Variants in CCDC102B observed in about 807,000 individuals in gnomAD.
CCDC102B encodes coiled-coil domain-containing protein 102B.
Under a neutral mutation model 57.4 loss-of-function variants are expected in CCDC102B, and 75 were observed. The ratio of observed to expected loss-of-function variants is 1.31; its 90% CI spans 1.08 to 1.58. CCDC102B has a LOEUF of 1.58. Ranked by LOEUF, CCDC102B falls within the 40% of genes most tolerant of loss-of-function variation. The pLI is 0.00. For synonymous variants in CCDC102B, 206 were observed against 201.9 expected (o/e 1.02, Z -0.17); for missense variants, 636 against 582.6 (o/e 1.09, Z -0.94).
Position 68,792,355 on chromosome 18 carries a change from G to A in CCDC102B, c.-66-31011G>A, listed in dbSNP as rs1172843668. 1.4e-4 allele frequency among the ~76,000 whole-genome samples: 21 copies of A among 152,306 alleles called. No homozygotes were observed. In the East Asian group the frequency reaches 3.7e-3, roughly 27 times the overall value. On this transcript the variant is annotated intron_variant, in intron 2 of 3. Coordinates refer to the CCDC102B transcript ENST00000578970. ...AACTGCTTTGCTCGGAGCCTAAGTA[G>A]TGGATGCCAAAACAAGACCATGACC...
intron 2 of CCDC102B, among the ~76,000 whole-genome samples, chr18:68,743,360 A>G (rs935193357): frequency 2.0e-5 from 3 of 152,166 alleles, no homozygotes; most frequent in Non-Finnish European, 2.9e-5. Flanking sequence ...GTGAGCCAAG[A>G]TCGTGCCACT....
intron 6 of CCDC102B, chr18:68,993,416 G>T (rs1029416029): frequency 1.3e-5 from 2 of 152,188 alleles, no homozygotes; most frequent in African/African-American, 4.8e-5. Context: ...TTTTAAGAAG[G>T]ATACATACAG....
At chr18:68,739,808 C>G (rs1032869622) in intron 2 of CCDC102B, among the ~76,000 whole-genome samples, 8 of 152,150 alleles carry the variant, frequency 5.3e-5, no homozygotes, top group Non-Finnish European at 1.2e-4. Context: ...TCATCTGTCT[C>G]TATTAAGACA....
intron 6 of CCDC102B, among the ~76,000 whole-genome samples, chr18:68,974,288 G>A (rs552669906): frequency 2.3e-4 from 35 of 151,906 alleles, no homozygotes; most frequent in Admixed American, 1.1e-3. Context: ...AGGACCCAGC[G>A]TTCCTCTGCT....
intron 7 of CCDC102B, among the ~76,000 whole-genome samples, chr18:69,037,050 C>CAT (rs2052314957): frequency 6.7e-6 from 1 of 149,726 alleles, no homozygotes; most frequent in Non-Finnish European, 1.5e-5. Flanking sequence ...CACACACACA[C>CAT]ACATACATAC....
At chr18:68,717,708 A>AT (rs1322766987) in intron 2 of CCDC102B, among the ~76,000 whole-genome samples, 4 of 151,980 alleles carry the variant, frequency 2.6e-5, no homozygotes, top group African/African-American at 4.8e-5. Flanking sequence ...AGTGGTGATA[A>AT]TTTTTTTTGA....
chr18:68,955,730 G>A (rs1265878413), intron 6 of CCDC102B, among the ~76,000 whole-genome samples: 1 of 151,462 alleles, frequency 6.6e-6, no homozygotes, highest in Non-Finnish European at 1.5e-5. Flanking sequence ...TATAATTTAT[G>A]TATGATAAAT....
intron 2 of CCDC102B, among the ~76,000 whole-genome samples, chr18:68,717,034 G>A (rs112171004): frequency 0.11 from 15,598 of 148,090 alleles, 830 homozygotes; most frequent in African/African-American, 0.11. Flanking sequence ...TTGAAATCGC[G>A]CCACTGCACT....
At chr18:68,962,929 T>C (rs2050079899) in intron 6 of CCDC102B, among the ~76,000 whole-genome samples, 1 of 152,040 alleles carries the variant, frequency 6.6e-6, no homozygotes, top group Non-Finnish European at 1.5e-5. Context: ...ACTTAGGGAA[T>C]CTAAACAATT....
intron 3 of CCDC102B, among the ~76,000 whole-genome samples, chr18:68,844,489 T>G (rs1402025644): frequency 6.6e-6 from 1 of 151,824 alleles, no homozygotes; most frequent in Admixed American, 6.6e-5. Context: ...AAATTAAAAT[T>G]ATAAATATGG....
intron 1 of CCDC102B, among the ~76,000 whole-genome samples, chr18:68,832,884 T>C (rs531621510): frequency 1.7e-4 from 26 of 151,908 alleles, no homozygotes; most frequent in Admixed American, 3.3e-4. Flanking sequence ...ACACAGGGGA[T>C]GTGGAAGATG....
At chr18:68,862,532 C>G (rs565533345) in intron 4 of CCDC102B, among the ~76,000 whole-genome samples, 4 of 151,880 alleles carry the variant, frequency 2.6e-5, no homozygotes, top group African/African-American at 4.8e-5. Flanking sequence ...CATGAACTAC[C>G]ATCCATATTC....
intron 4 of CCDC102B, among the ~76,000 whole-genome samples, chr18:68,873,236 C>T (rs1330620559): frequency 6.6e-6 from 1 of 152,086 alleles, no homozygotes; most frequent in African/African-American, 2.4e-5. Context: ...CTCTTGTCCT[C>T]GTCCTTGCCT....
intron 1 of CCDC102B, among the ~76,000 whole-genome samples, chr18:68,835,075 T>G (rs1323540023): frequency 6.6e-6 from 1 of 152,140 alleles, no homozygotes; most frequent in African/African-American, 2.4e-5. Context: ...AAGCTGCATA[T>G]TTTCAGCACT....
intron 5 of CCDC102B, among the ~76,000 whole-genome samples, chr18:68,894,303 T>C (rs1253579311): frequency 6.6e-6 from 1 of 152,066 alleles, no homozygotes; most frequent in East Asian, 1.9e-4. Flanking sequence ...AACAAATATT[T>C]TAGTGCTTAC....
At chr18:68,792,125 A>G (rs537807206) in intron 2 of CCDC102B, among the ~76,000 whole-genome samples, 2 of 152,260 alleles carry the variant, frequency 1.3e-5, no homozygotes, top group East Asian at 3.9e-4. Flanking sequence ...ACAGTTAACC[A>G]TTTACTGCTG....
intron 2 of CCDC102B, among the ~76,000 whole-genome samples, chr18:68,764,905 G>A (rs1229347624): frequency 1.3e-5 from 2 of 151,544 alleles, no homozygotes; most frequent in African/African-American, 2.4e-5. Context: ...AAAATAGCTG[G>A]GCGTGGTGGC....
chr18:68,870,762 A>T (rs1479659168), intron 4 of CCDC102B, among the ~76,000 whole-genome samples: 3 of 152,180 alleles, frequency 2.0e-5, no homozygotes, highest in Non-Finnish European at 4.4e-5. Context: ...AATAACATTG[A>T]CTTCAATATT....
At chr18:68,996,226 A>T (rs2051024028) in intron 6 of CCDC102B, among the ~76,000 whole-genome samples, 1 of 152,248 alleles carries the variant, frequency 6.6e-6, no homozygotes, top group East Asian at 1.9e-4. Flanking sequence ...CAGGCAGAGG[A>T]ACATGGAAGG....
Sources: allele counts gnomAD v4.1 joint callset (sites outside exome capture counted in the v4.1 genomes callset), GRCh38; gene constraint gnomAD v4.1.1; transcripts MANE v1.5; gene names NCBI Gene and HGNC (gene_info 2026-07-23, HGNC 2026-07-21).